USP32: variants seen among roughly 807,000 people sequenced by gnomAD.
The protein encoded by USP32 is ubiquitin carboxyl-terminal hydrolase 32.
A neutral mutation model predicts 204.8 loss-of-function variants in USP32; 59 were observed. The ratio of observed to expected loss-of-function variants is 0.29; its 90% confidence interval spans 0.23 to 0.36. USP32 has a LOEUF of 0.36. USP32 is among the 10% of genes least tolerant of loss of function. The pLI, the probability that USP32 is intolerant of heterozygous loss-of-function variation, is 1.00. For missense variants in USP32, 1,160 were observed against 1,946.4 expected, an observed-to-expected ratio of 0.60 and a Z score of 7.60; for synonymous variants, 517 against 678.4, an observed-to-expected ratio of 0.76 and a Z score of 3.70.
At chr17:60,196,410 C>T (rs190699925) in intron 27 of USP32, among the ~76,000 whole-genome samples, 1 of 152,142 alleles carries the variant, frequency 6.6e-6, no homozygotes. Flanking sequence ...TTAATCTTGT[C>T]CAACTTTCAT....
At chr17:60,382,977 G>A (rs1034572578) in intron 1 of USP32, among the ~76,000 whole-genome samples, 1 of 152,098 alleles carries the variant, frequency 6.6e-6, no homozygotes, top group Non-Finnish European at 1.5e-5. Flanking sequence ...GCCGGGCGCG[G>A]TGGTTCACTC....
intron 1 of USP32, among the ~76,000 whole-genome samples, chr17:60,369,203 CT>C (rs1176737588): frequency 2.6e-4 from 36 of 138,004 alleles, no homozygotes; most frequent in Middle Eastern, 3.6e-3. Context: ...ACCGTTTTAG[CT>C]GGGATGGTCT....
At chr17:60,261,377 T>C (rs1222293422) in intron 9 of USP32, among the ~76,000 whole-genome samples, 1 of 152,188 alleles carries the variant, frequency 6.6e-6, no homozygotes, top group East Asian at 1.9e-4. Context: ...CCAGGCACGG[T>C]GGCTCACACT....
rs1598029587 is a variant in USP32 at position 60,185,473 on chromosome 17, A to G, written c.3821T>C (p.Leu1274Pro). 1.2e-6 allele frequency: 2 copies of G among 1,607,020 alleles called. No individual in the cohort carries two copies. Among genetic ancestry groups the G allele is most frequent in the Non-Finnish European group, 1.7e-6 (2 of 1,175,746 alleles). Reference protein sequence around the residue: ...LATKKLDLWRLPPILIIHLKR... With the variant: ...LATKKLDLWRPPPILIIHLKR... ...ACTGTAACATACCAGGATGGGTGGAAGCCTCCAGAGATCCAGCTTCTTTGT... is the reference window on the plus strand; with the variant it reads ...ACTGTAACATACCAGGATGGGTGGAGGCCTCCAGAGATCCAGCTTCTTTGT... Residue 1274 changes from leucine (L) to proline (P), a missense_variant, in exon 30 of 34, where the codon CTT becomes CCT. By Grantham distance (98) the Leu-to-Pro change is moderately conservative. Coordinates refer to ENST00000300896, the MANE Select transcript of USP32 (RefSeq NM_032582.4).
At chr17:60,179,541 T>G in intron 33 of USP32, 113 bp from the exon 34 acceptor site, 1 of 1,367,542 alleles carries the variant, frequency 7.3e-7, no homozygotes, top group African/African-American at 1.5e-5. Flanking sequence ...TTGCTTCCAA[T>G]AAGCTCACTA....
At chr17:60,302,228 C>T (rs2087601123) in intron 2 of USP32, among the ~76,000 whole-genome samples, 1 of 151,968 alleles carries the variant, frequency 6.6e-6, no homozygotes, top group Non-Finnish European at 1.5e-5. Context: ...CTCCACCTCC[C>T]AGTTCAAGCA....
chr17:60,345,493 T>G lies in USP32; in HGVS notation c.174A>C (p.Pro58=). The G allele has an allele frequency of 6.2e-7, 1 of 1,614,150 alleles. No homozygotes were observed. Among genetic ancestry groups the G allele is most frequent in the Non-Finnish European group, 8.5e-7 (1 of 1,180,010 alleles). ...ACAAAAAGATTACCTCAGCAACCTT[T>G]GGAGGCACTCCATCCCCAAGCACTT... ...IREVLGDGVP[P]KVAEVIYCSF... Residue 58 remains proline (P), a synonymous_variant, in exon 2 of 34, where the codon CCA becomes CCC. Transcript: ENST00000300896.
rs547945882 is a variant in USP32, at chr17:60,260,068, A to G, written c.991-4810T>C. 2.6e-5 allele frequency among the ~76,000 whole-genome samples: 4 copies of G among 152,340 alleles called. No homozygotes were observed. In the South Asian group the frequency reaches 8.3e-4, roughly 32 times the overall value. ...TGTACAAGAAGTTAAAGGCATCTGG[A>G]ACTGTAATACATTATGAACAAAAGA... On this transcript the variant is annotated intron_variant, in intron 9 of 33. Coordinates refer to ENST00000300896, the MANE Select transcript of USP32 (RefSeq NM_032582.4).
At position 60,223,416 on chromosome 17, in the gene USP32, C is replaced by T; in HGVS notation, c.1603G>A (p.Val535Ile). Reference protein sequence around the residue: ...DNQPLVTQEPVKATSLTLEGG... With the variant: ...DNQPLVTQEPIKATSLTLEGG... ...TTAGATGTAAAATTACTTACCTTTA[C>T]TGGTTCTTGAGTTACTAATGGCTGA... The change falls in exon 14 of 34, where the codon GTA (valine) becomes ATA (isoleucine). Residue 535 changes from valine to isoleucine, a missense_variant. Physicochemically the swap from Val to Ile is conservative, Grantham distance 29. Around this residue, in one of 8 missense-constraint regions of USP32, gnomAD observed 536 missense variants for 680.9 expected, o/e 0.79. Transcript: ENST00000300896. The T allele has an allele frequency of 6.2e-7, 1 of 1,604,496 alleles. No homozygotes were observed. Among genetic ancestry groups the T allele is most frequent in the Non-Finnish European group, 8.5e-7 (1 of 1,177,692 alleles).
intron 13 of USP32, among the ~76,000 whole-genome samples, chr17:60,225,347 C>A (rs973409919): frequency 5.9e-5 from 9 of 151,954 alleles, no homozygotes; most frequent in African/African-American, 2.2e-4. Context: ...GTCCCAGCTT[C>A]TTAGGAGGCT....
intron 9 of USP32, among the ~76,000 whole-genome samples, chr17:60,258,588 T>C (rs2086375221): frequency 6.6e-6 from 1 of 152,244 alleles, no homozygotes; most frequent in South Asian, 2.1e-4. Flanking sequence ...TGTAGGGTGT[T>C]GTATACTTAG....
intron 2 of USP32, 134 bp from the exon 3 acceptor site, chr17:60,301,838 G>A: frequency 1.6e-6 from 1 of 643,412 alleles, no homozygotes; most frequent in Non-Finnish European, 2.7e-6. Flanking sequence ...ATCATGTTAA[G>A]TTTCTCCCTC....
At chr17:60,313,864 A>G (rs2087910969) in intron 2 of USP32, among the ~76,000 whole-genome samples, 1 of 152,176 alleles carries the variant, frequency 6.6e-6, no homozygotes, top group Non-Finnish European at 1.5e-5. Flanking sequence ...TACTTATAAC[A>G]TAAGGTTTAC....
intron 2 of USP32, among the ~76,000 whole-genome samples, chr17:60,329,279 T>TG (rs11456504): frequency 9.9e-5 from 10 of 100,918 alleles, no homozygotes; most frequent in Middle Eastern, 4.5e-3. Flanking sequence ...TGTGTGTGTG[T>TG]TTTTTTTTTC....
intron 25 of USP32, among the ~76,000 whole-genome samples, chr17:60,206,203 G>T (rs1423038316): frequency 6.8e-6 from 1 of 146,704 alleles, no homozygotes; most frequent in Non-Finnish European, 1.5e-5. Flanking sequence ...TGTAGTCCCA[G>T]CTACTTGGGA....
In USP32 at chr17:60,345,510, C is replaced by T. The variant is rs1267392647; in HGVS notation, c.157G>A (p.Gly53Arg). Residue 53 changes from glycine to arginine, a missense_variant, in exon 2 of 34, where the codon GGG (glycine) becomes AGG (arginine). This residue lies in a region of USP32 where 536 missense variants were observed against 680.9 expected (regional missense o/e 0.79). Coordinates refer to ENST00000300896, the MANE Select transcript of USP32 (RefSeq NM_032582.4). Reference protein sequence around the residue: ...GQHCFIREVLGDGVPPKVAEV... With the variant: ...GQHCFIREVLRDGVPPKVAEV... ...GCAACCTTTGGAGGCACTCCATCCC[C>T]AAGCACTTCCCGGATGAAGCAGTGC... 3 of 1,614,088 alleles carry T rather than the reference C, an allele frequency of 1.9e-6. No homozygotes were observed. Among genetic ancestry groups the T allele is most frequent in the Non-Finnish European group, 2.5e-6 (3 of 1,180,040 alleles).
chr17:60,367,076 C>G (rs547071829), intron 1 of USP32, among the ~76,000 whole-genome samples: 5 of 152,292 alleles, frequency 3.3e-5, no homozygotes, highest in Admixed American at 3.3e-4. Flanking sequence ...ATCCGCCCCC[C>G]TTGGCCTCCC....
chr17:60,234,571 CA>C (rs879431954), intron 12 of USP32, among the ~76,000 whole-genome samples: 10 of 148,468 alleles, frequency 6.7e-5, no homozygotes, highest in East Asian at 2.1e-4. Flanking sequence ...ACTAAAAATA[CA>C]AAAAAAAATT....
At chr17:60,408,088 A>G (rs1370642844) in intron 1 of USP32, among the ~76,000 whole-genome samples, 1 of 151,940 alleles carries the variant, frequency 6.6e-6, no homozygotes, top group South Asian at 2.1e-4. Flanking sequence ...ACAGAGCGAG[A>G]CTCCATCTCA....
Sources: gnomAD v4.1 joint callset for allele counts (sites outside exome capture counted in the v4.1 genomes callset) on GRCh38, gnomAD v4.1.1 for gene constraint, gnomAD v4.1.1 regional missense constraint, MANE v1.5 for transcripts, NCBI Gene and HGNC (gene_info 2026-07-23, HGNC 2026-07-21) for gene names.